Variants in PHF3 observed in about 807,000 individuals in gnomAD.
The protein encoded by PHF3 is PHD finger protein 3.
PHF3 carries 41 observed loss-of-function variants against 178.4 expected under a neutral mutation model. That is an observed-to-expected ratio of 0.23 (90% CI 0.18 to 0.30). The LOEUF is 0.30. Among genes scored for constraint, PHF3 ranks in the 10% least tolerant of loss-of-function variants. The pLI, the probability that PHF3 is intolerant of heterozygous loss-of-function variation, is 1.00. For synonymous variants in PHF3, 842 were observed against 800.5 expected (o/e 1.05, Z -0.88); for missense variants, 2,346 against 2,398.1 (o/e 0.98, Z 0.45).
At chr6:63,661,505 A>G (rs1765464195) in intron 2 of PHF3, among the ~76,000 whole-genome samples, 1 of 152,194 alleles carries the variant, frequency 6.6e-6, no homozygotes, top group Non-Finnish European at 1.5e-5. Flanking sequence ...CTGGAAAGAA[A>G]TTTCAACCAG....
At chr6:63,637,725 T>C (rs976250669) in intron 1 of PHF3, among the ~76,000 whole-genome samples, 1 of 152,166 alleles carries the variant, frequency 6.6e-6, no homozygotes, top group African/African-American at 2.4e-5. Flanking sequence ...GGCAGACTTT[T>C]AGGAGTGATG....
rs773329241 is a variant in PHF3, at chr6:63,713,027, T to A, written c.5439T>A (p.Pro1813=). 2 of 1,614,038 alleles carry A rather than the reference T, an allele frequency of 1.2e-6. No homozygotes were observed. Among genetic ancestry groups the A allele is most frequent in the Admixed American group, 3.3e-5 (2 of 60,000 alleles). The change falls in exon 16 of 16, where the codon CCT becomes CCA. Residue 1813 remains proline (P), a synonymous_variant. Coordinates refer to ENST00000262043, the MANE Select transcript of PHF3 (RefSeq NM_001370348.2). Reference sequence around the variant, plus strand: ...TTCAGCATCTCAAGTCTAGCCCACCTGGATTTCCATTTCCAGGGCCTCCTA... The same window carrying A: ...TTCAGCATCTCAAGTCTAGCCCACCAGGATTTCCATTTCCAGGGCCTCCTA... ...PNLQHLKSSP[P]GFPFPGPPNF... is the part of the protein sequence containing the mutation.
At chr6:63,655,604 T>C (rs1765199682) in intron 2 of PHF3, among the ~76,000 whole-genome samples, 1 of 152,242 alleles carries the variant, frequency 6.6e-6, no homozygotes, top group South Asian at 2.1e-4. Context: ...TTTTTTATGT[T>C]CACTTTAGTC....
intron 14 of PHF3, 64 bp downstream of exon 14, chr6:63,709,304 T>C: frequency 8.9e-7 from 1 of 1,118,860 alleles, no homozygotes. Context: ...CAGTTTAGAA[T>C]TCTTATGCAA....
At chr6:63,658,985 G>T (rs1345261854) in intron 2 of PHF3, among the ~76,000 whole-genome samples, 4 of 152,080 alleles carry the variant, frequency 2.6e-5, no homozygotes, top group Non-Finnish European at 5.9e-5. Flanking sequence ...CTAATTGATT[G>T]TGGCTGACCC....
chr6:63,644,384 A>G (rs1226312249), intron 1 of PHF3, among the ~76,000 whole-genome samples: 1 of 152,196 alleles, frequency 6.6e-6, no homozygotes, highest in Admixed American at 6.5e-5. Flanking sequence ...AGAATTTAAT[A>G]TACTAAATTT....
At position 63,691,869 on chromosome 6, in the gene PHF3, C is replaced by T. The variant is rs754590687; in HGVS notation, c.2322C>T (p.Asp774=). The part of the protein sequence containing the change: ...YVCVKCCAEE[D]KKTEILDPDT... ...GTGTAAAATGTTGTGCTGAAGAAGA[C>T]AAAAAGACTGAAATACTAGATCCAG... Residue 774 remains aspartate (D), a synonymous_variant, in exon 5 of 16, where the codon GAC becomes GAT. Transcript: ENST00000262043. 1.2e-6 allele frequency: 2 copies of T among 1,613,368 alleles called. No homozygotes were observed. Among genetic ancestry groups the T allele is most frequent in the Middle Eastern group, 1.6e-4 (1 of 6,062 alleles).
intron 2 of PHF3, among the ~76,000 whole-genome samples, chr6:63,673,530 C>T (rs967198175): frequency 3.3e-5 from 5 of 152,190 alleles, no homozygotes; most frequent in Non-Finnish European, 7.3e-5. Flanking sequence ...TAGCTCACTT[C>T]TGTCAGCCTC....
chr6:63,676,839 G>A (rs1172556138), intron 2 of PHF3, among the ~76,000 whole-genome samples: 1 of 152,158 alleles, frequency 6.6e-6, no homozygotes, highest in East Asian at 1.9e-4. Flanking sequence ...AGAAACCTGG[G>A]ACACTAGGAG....
At chr6:63,652,444 T>A (rs942262505) in intron 2 of PHF3, among the ~76,000 whole-genome samples, 9 of 152,180 alleles carry the variant, frequency 5.9e-5, no homozygotes, top group Non-Finnish European at 1.3e-4. Context: ...TATTAATCCC[T>A]TGTTGGATGG....
Position 63,684,511 on chromosome 6 carries a change from T to A in PHF3, c.789T>A (p.Val263=), listed in dbSNP as rs878893623. The A allele has an allele frequency of 6.2e-6, 10 of 1,613,478 alleles. No homozygotes were observed. In the South Asian group the frequency reaches 1.1e-4, roughly 18 times the overall value. Residue 263 remains valine, a synonymous_variant, in exon 4 of 16, where the codon GTT becomes GTA. Coordinates refer to ENST00000262043, the MANE Select transcript of PHF3 (RefSeq NM_001370348.2). ...LNCSLLSETC[V]TIGEKKNEAL... is the part of the protein sequence containing the mutation. ...GTTCACTTCTTTCAGAGACTTGTGTTACTATTGGAGAAAAGAAAAATGAAG... is the reference window on the plus strand; with the variant it reads ...GTTCACTTCTTTCAGAGACTTGTGTAACTATTGGAGAAAAGAAAAATGAAG...
chr6:63,693,363 C>T (rs1767090858), intron 5 of PHF3, among the ~76,000 whole-genome samples: 2 of 152,158 alleles, frequency 1.3e-5, no homozygotes. Flanking sequence ...CACCTGTAAT[C>T]CTAGCACTTT....
At position 63,702,474 on chromosome 6, in the gene PHF3, A is replaced by T. The variant is rs777002032; in HGVS notation, c.3100-34A>T. 1.5e-5 allele frequency: 21 copies of T among 1,407,808 alleles called. No individual in the cohort carries two copies. The Middle Eastern group carries it at 6.7e-4, about 45-fold the overall frequency. 87.2% of individuals were successfully genotyped at this position (1,407,808 alleles called of 1,614,324 possible). A position where few individuals can be genotyped will look rare whatever the true frequency, so the allele number is the denominator to read the frequency against. ...TGTACACTTGGAAATACATATTTTA[A>T]ATTTAATATTTTTAAAAAAGTATTT... On this transcript the variant is annotated intron_variant, in intron 9 of 15. Transcript: ENST00000262043.
Position 63,720,810 on chromosome 6 carries a change from T to G in PHF3, c.*7102T>G, listed in dbSNP as rs1768349838. On this transcript the variant is annotated 3_prime_UTR_variant, in exon 16 of 16. Transcript: ENST00000262043. Reference sequence around the variant, plus strand: ...ATCATAGTTTAGAGCCACAAAGTTTTTATGTGGATCAATATCCTCGGAAAG... The same window carrying G: ...ATCATAGTTTAGAGCCACAAAGTTTGTATGTGGATCAATATCCTCGGAAAG... 6.4e-7 allele frequency: 1 copy of G among 1,551,058 alleles called. No homozygotes were observed. The highest frequency in any genetic ancestry group is 2.0e-5 in the Admixed American group (1 of 50,948).
chr6:63,657,922 C>T (rs184473290), intron 2 of PHF3, among the ~76,000 whole-genome samples: 3 of 152,186 alleles, frequency 2.0e-5, no homozygotes, highest in African/African-American at 7.2e-5. Flanking sequence ...GATAGATAGC[C>T]TGAGGTTATT....
At chr6:63,672,308 A>G (rs1765953427) in intron 2 of PHF3, among the ~76,000 whole-genome samples, 1 of 152,176 alleles carries the variant, frequency 6.6e-6, no homozygotes, top group Non-Finnish European at 1.5e-5. Context: ...CCCCTTCTCC[A>G]CAGACACAGA....
chr6:63,675,413 G>C (rs1766121395), intron 2 of PHF3, among the ~76,000 whole-genome samples: 1 of 152,178 alleles, frequency 6.6e-6, no homozygotes, highest in Non-Finnish European at 1.5e-5. Flanking sequence ...TTAAGTTTCA[G>C]ACTTGGGGGT....
At chr6:63,647,501 A>G (rs1013362035) in intron 2 of PHF3, among the ~76,000 whole-genome samples, 2 of 152,218 alleles carry the variant, frequency 1.3e-5, no homozygotes, top group East Asian at 3.9e-4. Flanking sequence ...TTATGTGCTG[A>G]GGTGATATTT....
Position 63,720,434 on chromosome 6 carries a change from C to A in PHF3, c.*6726C>A. 1 of 560,276 alleles carries A rather than the reference C, an allele frequency of 1.8e-6. No homozygotes were observed. Among genetic ancestry groups the A allele is most frequent in the Non-Finnish European group, 3.0e-6 (1 of 334,662 alleles). 34.7% of individuals were successfully genotyped at this position (560,276 alleles called of 1,614,324 possible). ...TAGATGTAGGAAAAACAATCAGAACCTTCAGTGACATTTTACAATCTTATC... is the reference window on the plus strand; with the variant it reads ...TAGATGTAGGAAAAACAATCAGAACATTCAGTGACATTTTACAATCTTATC... On this transcript the variant is annotated 3_prime_UTR_variant, in exon 16 of 16. Coordinates refer to ENST00000262043, the MANE Select transcript of PHF3 (RefSeq NM_001370348.2).
Sources: gnomAD v4.1 joint callset for allele counts (sites outside exome capture counted in the v4.1 genomes callset) on GRCh38, gnomAD v4.1.1 for gene constraint, MANE v1.5 for transcripts, NCBI Gene and HGNC (gene_info 2026-07-23, HGNC 2026-07-21) for gene names.